FREM3: variants seen among roughly 807,000 people sequenced by gnomAD.
FREM3 encodes the protein FRAS1-related extracellular matrix protein 3.
In FREM3, 105 loss-of-function variants were observed where a neutral mutation model predicts 129.1. The ratio of observed to expected loss-of-function variants is 0.81; its 90% CI spans 0.69 to 0.96. FREM3 has a LOEUF of 0.96. FREM3 is among the 40% of genes least tolerant of loss of function. FREM3 has a pLI of 0.00. For missense variants in FREM3, 2,593 were observed against 2,666.3 expected (o/e 0.97, Z 0.61); for synonymous variants, 1,014 against 1,044.9 (o/e 0.97, Z 0.57).
chr4:143,588,489 C>T (rs1182336967), intron 6 of FREM3, among the ~76,000 whole-genome samples: 1 of 150,954 alleles, frequency 6.6e-6, no homozygotes, highest in Non-Finnish European at 1.5e-5. Context: ...TGAGAACATG[C>T]AGTGTTTGGT....
chr4:143,662,299 C>T (rs1739746848), intron 2 of FREM3, among the ~76,000 whole-genome samples: 1 of 152,116 alleles, frequency 6.6e-6, no homozygotes, highest in African/African-American at 2.4e-5. Flanking sequence ...TCTTTGTTCT[C>T]ATTGGTTTCA....
intron 5 of FREM3, among the ~76,000 whole-genome samples, chr4:143,618,610 G>T (rs1175171475): frequency 2.6e-5 from 4 of 152,068 alleles, no homozygotes. Flanking sequence ...ACTCCCATTA[G>T]CAGCCAAGTA....
At chr4:143,666,085 G>C (rs936332827) in intron 2 of FREM3, among the ~76,000 whole-genome samples, 1 of 151,898 alleles carries the variant, frequency 6.6e-6, no homozygotes, top group Non-Finnish European at 1.5e-5. Flanking sequence ...TACCTGCCAG[G>C]GTTTTACAAA....
rs372888877 is a variant in FREM3, at chr4:143,634,742, C to T, written c.5276-6982G>A. On this transcript the variant is annotated intron_variant, in intron 2 of 7. Coordinates refer to ENST00000329798, the MANE Select transcript of FREM3 (RefSeq NM_001168235.2). ...GGCTGGGCCAGGGAAACTGCTAAGA[C>T]GAAGGCTCGTTGTGTGAGGGTCAGT... Among the ~76,000 whole-genome samples the T allele has an allele frequency of 3.7e-3, 556 of 151,896 alleles. 6 individuals carry two copies. The highest frequency in any genetic ancestry group is 0.013 in the African/African-American group (522 of 41,418).
At chr4:143,677,796 T>C (rs748205779) in intron 2 of FREM3, among the ~76,000 whole-genome samples, 7 of 152,296 alleles carry the variant, frequency 4.6e-5, no homozygotes, top group Non-Finnish European at 5.9e-5. Context: ...AAAATGCTCA[T>C]CATCACTGGC....
At chr4:143,598,253 G>A (rs1738516919) in intron 6 of FREM3, among the ~76,000 whole-genome samples, 1 of 152,214 alleles carries the variant, frequency 6.6e-6, no homozygotes, top group African/African-American at 2.4e-5. Context: ...AGTGACTTGG[G>A]CAGGCCCCAG....
chr4:143,590,682 T>C lies in FREM3; in HGVS notation c.6029-4689A>G, dbSNP rs191844456. 6.3e-3 allele frequency among the ~76,000 whole-genome samples: 954 copies of C among 152,320 alleles called. 9 individuals carry two copies. The highest frequency in any genetic ancestry group is 0.022 in the African/African-American group (902 of 41,560). ...TTTTTGCATCAATGTTCATCAAGGA[T>C]ATTGGTCTAAAATTCTCTTTTTTTG... On this transcript the variant is annotated intron_variant, in intron 6 of 7. Coordinates refer to ENST00000329798, the MANE Select transcript of FREM3 (RefSeq NM_001168235.2).
chr4:143,653,341 A>G (rs898290456), intron 2 of FREM3, among the ~76,000 whole-genome samples: 12 of 152,314 alleles, frequency 7.9e-5, no homozygotes, highest in African/African-American at 2.2e-4. Flanking sequence ...GAATTCATTT[A>G]CTTGTGGTCA....
intron 2 of FREM3, among the ~76,000 whole-genome samples, chr4:143,664,378 C>T (rs899747528): frequency 5.9e-5 from 9 of 152,106 alleles, no homozygotes; most frequent in Non-Finnish European, 1.0e-4. Context: ...TAGGTAGCAG[C>T]AGCGGTGTCT....
chr4:143,656,083 A>G (rs908731631), intron 2 of FREM3, among the ~76,000 whole-genome samples: 8 of 152,194 alleles, frequency 5.3e-5, no homozygotes, highest in African/African-American at 1.9e-4. Flanking sequence ...ATTGCAGTAA[A>G]AATTTCTTAC....
intron 2 of FREM3, among the ~76,000 whole-genome samples, chr4:143,682,125 A>G (rs1333729320): frequency 6.6e-6 from 1 of 152,224 alleles, no homozygotes; most frequent in Non-Finnish European, 1.5e-5. Flanking sequence ...CTTTTCAGCT[A>G]GAAGAAGAAA....
Position 143,621,208 on chromosome 4 carries a change from C to T in FREM3, c.5654-46G>A, listed in dbSNP as rs570613818. On this transcript the variant is annotated intron_variant, in intron 4 of 7. Coordinates refer to ENST00000329798, the MANE Select transcript of FREM3 (RefSeq NM_001168235.2). The stretch of plus-strand genomic sequence containing the variant: ...CTTTTCACCAAGATTTAGATTTGAT[C>T]GGTGATATTTAAACACACCTGAGCA... 34 of 1,526,382 alleles carry T rather than the reference C, an allele frequency of 2.2e-5. No homozygotes were observed. In the East Asian group the frequency reaches 3.4e-4, roughly 15 times the overall value. 94.6% of individuals were successfully genotyped at this position (1,526,382 alleles called of 1,614,324 possible). A position where few individuals can be genotyped will look rare whatever the true frequency, so the allele number is the denominator to read the frequency against.
In FREM3 at chr4:143,699,161, A is replaced by G. The variant is rs766751552; in HGVS notation, c.1515T>C (p.Tyr505=). The G allele has an allele frequency of 2.0e-6, 3 of 1,537,224 alleles. No homozygotes were observed. Among genetic ancestry groups the G allele is most frequent in the African/African-American group, 2.7e-5 (2 of 73,020 alleles). ...TGTAGGTGTTGCTGCCATCATGCTG[A>G]TACACCACTCGCCCTGCTGCCAGGT... ...PADLAAGRVV[Y]QHDGSNTYSD... Residue 505 remains tyrosine (Y), a synonymous_variant, in exon 1 of 8, where the codon TAT becomes TAC. Transcript: ENST00000329798. This position sits in a 1 kb window ranked among gnomAD's most constrained non-coding sequence, Gnocchi z 4.2.
At chr4:143,606,122 G>A (rs1056449247) in intron 6 of FREM3, among the ~76,000 whole-genome samples, 2 of 152,102 alleles carry the variant, frequency 1.3e-5, no homozygotes, top group Non-Finnish European at 2.9e-5. Flanking sequence ...TCTTTGTTCA[G>A]TTGTTTGCAT....
At chr4:143,645,713 G>A (rs997835995) in intron 2 of FREM3, among the ~76,000 whole-genome samples, 2 of 152,140 alleles carry the variant, frequency 1.3e-5, no homozygotes, top group African/African-American at 4.8e-5. Flanking sequence ...AACTGTGTCA[G>A]CCAGTAAATA....
intron 2 of FREM3, among the ~76,000 whole-genome samples, chr4:143,653,142 C>T (rs749111266): frequency 6.6e-6 from 1 of 152,120 alleles, no homozygotes; most frequent in African/African-American, 2.4e-5. Flanking sequence ...GTAAAAATTG[C>T]CATGACCTCA....
chr4:143,678,164 G>T (rs1740179926), intron 2 of FREM3, among the ~76,000 whole-genome samples: 2 of 152,166 alleles, frequency 1.3e-5, no homozygotes, highest in Admixed American at 6.5e-5. Flanking sequence ...TGATAGACTG[G>T]ATTAAGAAAA....
Position 143,695,975 on chromosome 4 carries a change from G to A in FREM3, c.4701C>T (p.Thr1567=). The A allele has an allele frequency of 1.3e-6, 2 of 1,537,748 alleles. No individual in the cohort carries two copies. Among genetic ancestry groups the A allele is most frequent in the South Asian group, 2.4e-5 (2 of 84,052 alleles). The change falls in exon 1 of 8, where the codon ACC becomes ACT. Residue 1567 remains threonine, a synonymous_variant. Transcript: ENST00000329798. ...TGGTAAAGAGAATAAGGTCATCTGG[G>A]GTATCACTGTCTTCCACTGTCAACT... is the stretch of plus-strand genomic sequence containing the variant. The part of the protein sequence containing the change: ...LLELTVEDSD[T]PDDLILFTIT...
In FREM3 at chr4:143,698,331, T is replaced by C. The variant is rs1740620671; in HGVS notation, c.2345A>G (p.Gln782Arg). 1 of 1,537,878 alleles carries C rather than the reference T, an allele frequency of 6.5e-7. No individual in the cohort carries two copies. The highest frequency in any genetic ancestry group is 1.4e-5 in the African/African-American group (1 of 73,158). ...TGGAGGCTGGTAGGCAACTTTATGCTGATTTACCTGGGCTTGGGTAAAGTG... is the reference window on the plus strand; with the variant it reads ...TGGAGGCTGGTAGGCAACTTTATGCCGATTTACCTGGGCTTGGGTAAAGTG... ...IMHFTQAQVN[Q>R]HKVAYQPPQK... is the part of the protein sequence containing the mutation. Residue 782 changes from glutamine to arginine, a missense_variant, in exon 1 of 8, where the codon CAG becomes CGG. Gln to Arg is a conservative substitution (Grantham distance 43). Transcript: ENST00000329798.
Sources: allele counts gnomAD v4.1 joint callset (sites outside exome capture counted in the v4.1 genomes callset), GRCh38; gene constraint gnomAD v4.1.1; non-coding constraint Gnocchi (gnomAD v3.1); transcripts MANE v1.5; gene names NCBI Gene and HGNC (gene_info 2026-07-23, HGNC 2026-07-21).